Variants in HOOK1 observed in about 807,000 individuals in gnomAD.
HOOK1 encodes the protein hook microtubule tethering protein 1.
In HOOK1, 60 loss-of-function variants were observed where a neutral mutation model predicts 112.8. The ratio of observed to expected loss-of-function variants is 0.53; its 90% CI spans 0.43 to 0.66. HOOK1 has a LOEUF of 0.66. Among genes scored for constraint, HOOK1 ranks in the 30% least tolerant of loss-of-function variants. The probability of loss-of-function intolerance (pLI) is 0.00; values close to 1 mark genes in which losing one functional copy is unlikely to be tolerated. For synonymous variants in HOOK1, 294 were observed against 283.8 expected (o/e 1.04, Z -0.36); for missense variants, 770 against 856.0 (o/e 0.90, Z 1.25).
intron 1 of HOOK1, among the ~76,000 whole-genome samples, chr1:59,816,288 A>T (rs2098381442): frequency 6.6e-6 from 1 of 152,274 alleles, no homozygotes; most frequent in Non-Finnish European, 1.5e-5. Context: ...TAAGTAAATA[A>T]CTTTTGCTTT....
intron 2 of HOOK1, among the ~76,000 whole-genome samples, chr1:59,826,573 A>G (rs2098390101): frequency 6.6e-6 from 1 of 152,250 alleles, no homozygotes; most frequent in Admixed American, 6.5e-5. Flanking sequence ...GAAAAACTAG[A>G]GAAAAATACA....
intron 12 of HOOK1, among the ~76,000 whole-genome samples, chr1:59,854,036 ATATTTTTTTTTT>A (rs2098409124): frequency 8.8e-5 from 1 of 11,402 alleles, no homozygotes; most frequent in African/African-American, 5.1e-4. Flanking sequence ...ATATATATAT[ATATTTTTTTTTT>A]TTTTTTTTTT....
intron 1 of HOOK1, among the ~76,000 whole-genome samples, chr1:59,820,999 T>C (rs1295521265): frequency 6.6e-6 from 1 of 152,210 alleles, no homozygotes; most frequent in African/African-American, 2.4e-5. Context: ...AAGTGAATTA[T>C]GGCGGGAGAG....
chr1:59,831,402 AT>A (rs1170966129), intron 3 of HOOK1, among the ~76,000 whole-genome samples: 1 of 152,106 alleles, frequency 6.6e-6, no homozygotes, highest in Non-Finnish European at 1.5e-5. Context: ...AATTTCAAAA[AT>A]TTTTTGGCCT....
intron 8 of HOOK1, among the ~76,000 whole-genome samples, chr1:59,842,895 A>C (rs2098401733): frequency 6.6e-6 from 1 of 152,090 alleles, no homozygotes; most frequent in South Asian, 2.1e-4. Flanking sequence ...TTTAAATCAT[A>C]AGCAAATAGT....
chr1:59,848,977 T>C lies in HOOK1; in HGVS notation c.1132-96T>C, dbSNP rs551426636. 10 of 584,082 alleles carry C rather than the reference T, an allele frequency of 1.7e-5. No individual in the cohort carries two copies. The East Asian group carries it at 3.0e-4, about 18-fold the overall frequency. The allele number at this position is 584,082 out of a possible 1,614,324, so 36.2% of individuals were successfully genotyped here. ...CAATTTTAGTGTAGATATTTATTCA[T>C]AATCAGTTTTTCATTTACTCAATTC... On this transcript the variant is annotated intron_variant, in intron 11 of 21. Transcript: ENST00000371208.
intron 12 of HOOK1, among the ~76,000 whole-genome samples, chr1:59,852,829 A>C (rs1417136077): frequency 6.6e-6 from 1 of 151,556 alleles, no homozygotes; most frequent in Admixed American, 6.6e-5. Context: ...GTTTTGGCAT[A>C]TTGCATTTTC....
Position 59,874,330 on chromosome 1 carries a change from A to G in HOOK1, c.*1365A>G, listed in dbSNP as rs1644100484. 6.6e-6 allele frequency: 1 copy of G among 152,176 alleles called. No homozygotes were observed. The highest frequency in any genetic ancestry group is 2.4e-5 in the African/African-American group (1 of 41,472). 9.4% of individuals were successfully genotyped at this position (152,176 alleles called of 1,614,324 possible). A position where few individuals can be genotyped will look rare whatever the true frequency, so the allele number is the denominator to read the frequency against. The stretch of plus-strand genomic sequence containing the variant: ...ATTTGATATTAGATGTTAGACCACA[A>G]AAAGAAGAAAAATGTTAGGACTATT... On this transcript the variant is annotated 3_prime_UTR_variant, in exon 22 of 22. Coordinates refer to ENST00000371208, the MANE Select transcript of HOOK1 (RefSeq NM_015888.6).
chr1:59,816,099 T>C (rs1343800036), intron 1 of HOOK1, among the ~76,000 whole-genome samples: 1 of 152,186 alleles, frequency 6.6e-6, no homozygotes, highest in Non-Finnish European at 1.5e-5. Flanking sequence ...ACCAGTTGTT[T>C]AGTTGCGTCT....
At chr1:59,868,625 C>T (rs1488722892) in intron 20 of HOOK1, among the ~76,000 whole-genome samples, 1 of 152,144 alleles carries the variant, frequency 6.6e-6, no homozygotes, top group Non-Finnish European at 1.5e-5. Context: ...TAATAGAGAC[C>T]TGCTATAATG....
intron 11 of HOOK1, 62 bp from the exon 12 acceptor site, chr1:59,849,011 T>A: frequency 1.1e-6 from 1 of 872,060 alleles, no homozygotes. Context: ...TCTGAAAGAC[T>A]ATTGAGATTT....
rs1559057957 is a variant in HOOK1, at chr1:59,855,959, TAA to T, written c.1243-2467_1243-2466del. Among the ~76,000 whole-genome samples the T allele has an allele frequency of 9.3e-3, 781 of 83,600 alleles. 5 individuals are homozygous for T. Among genetic ancestry groups the T allele is most frequent in the Non-Finnish European group, 0.015 (647 of 44,568 alleles). The allele number at this position is 83,600 out of a possible 152,430, so 54.8% of individuals were successfully genotyped here. The stretch of plus-strand genomic sequence containing the variant: ...CAGCTAATTTATATATATATATATA[TAA>T]ATTATTATATATATATATATATATT... On this transcript the variant is annotated intron_variant, in intron 12 of 21. Coordinates refer to ENST00000371208, the MANE Select transcript of HOOK1 (RefSeq NM_015888.6).
rs1341754279 is a variant in HOOK1, at chr1:59,815,102, G to C, written c.-16G>C. 21 of 1,539,206 alleles carry C rather than the reference G, an allele frequency of 1.4e-5. No homozygotes were observed. The South Asian group carries it at 2.1e-4, about 16-fold the overall frequency. On this transcript the variant is annotated 5_prime_UTR_variant, in exon 1 of 22. Coordinates refer to ENST00000371208, the MANE Select transcript of HOOK1 (RefSeq NM_015888.6). ...GTGTGAAGGTGTCCGCGGCGTCGTC[G>C]ACGGCGGCGCCGGCCATGGAGGAGA...
Position 59,858,971 on chromosome 1 carries a change from TTG to T in HOOK1, c.1331-12_1331-11del. On this transcript the variant is annotated splice_polypyrimidine_tract_variant and intron_variant, in intron 13 of 21. Transcript: ENST00000371208. ...AAATACTGAAATGCTAATTTATTTT[TTG>T]TTATTTTTTAGATGCATCTGCTACA... 2 of 1,498,978 alleles carry T rather than the reference TTG, an allele frequency of 1.3e-6. No homozygotes were observed. The highest frequency in any genetic ancestry group is 1.7e-4 in the Middle Eastern group (1 of 5,826). 92.9% of individuals were successfully genotyped at this position (1,498,978 alleles called of 1,614,324 possible).
At chr1:59,842,044 A>G (rs1330896924) in intron 8 of HOOK1, among the ~76,000 whole-genome samples, 1 of 152,152 alleles carries the variant, frequency 6.6e-6, no homozygotes, top group African/African-American at 2.4e-5. Flanking sequence ...ACATTGAAGC[A>G]TATGGATAGG....
intron 8 of HOOK1, among the ~76,000 whole-genome samples, chr1:59,841,673 C>T (rs531744525): frequency 2.0e-5 from 3 of 152,038 alleles, no homozygotes; most frequent in Admixed American, 2.0e-4. Context: ...TGTAAAATAC[C>T]TTGTAGGAAA....
intron 20 of HOOK1, among the ~76,000 whole-genome samples, chr1:59,870,036 A>G (rs1173143916): frequency 6.6e-6 from 1 of 152,142 alleles, no homozygotes; most frequent in African/African-American, 2.4e-5. Context: ...ATTATTAGTA[A>G]CTTCTTGTCT....
chr1:59,840,028 C>T (rs1041576879), intron 7 of HOOK1, among the ~76,000 whole-genome samples: 4 of 152,114 alleles, frequency 2.6e-5, no homozygotes, highest in African/African-American at 9.7e-5. Context: ...CCTTGCATCC[C>T]AGGGATGAAA....
intron 16 of HOOK1, among the ~76,000 whole-genome samples, chr1:59,864,244 G>A (rs532751755): frequency 6.6e-6 from 1 of 151,400 alleles, no homozygotes; most frequent in Non-Finnish European, 1.5e-5. Context: ...CCTCATAAGA[G>A]GCCCAAAATC....
Sources: gnomAD v4.1 joint callset for allele counts (sites outside exome capture counted in the v4.1 genomes callset) on GRCh38, gnomAD v4.1.1 for gene constraint, MANE v1.5 for transcripts, NCBI Gene and HGNC (gene_info 2026-07-23, HGNC 2026-07-21) for gene names.